Variants in C1QTNF5 observed in about 807,000 individuals in gnomAD.
C1QTNF5 encodes C1q and TNF related 5, also known as complement C1q tumor necrosis factor-related protein 5.
Under a neutral mutation model 10.9 loss-of-function variants are expected in C1QTNF5, and 5 were observed. That is an observed-to-expected ratio of 0.46 (90% CI 0.24 to 0.97). The LOEUF (loss-of-function observed/expected upper bound fraction) is 0.97. C1QTNF5 is among the 50% of genes least tolerant of loss of function. The probability of loss-of-function intolerance (pLI) is 0.19; values close to 1 mark genes in which losing one functional copy is unlikely to be tolerated. For synonymous variants in C1QTNF5, 161 were observed against 156.5 expected (o/e 1.03, Z -0.22); for missense variants, 281 against 339.4 (o/e 0.83, Z 1.35).
chr11:119,344,384 C>A (rs1375569297), upstream of C1QTNF5: 2 of 1,613,712 alleles, frequency 1.2e-6, no homozygotes, highest in Non-Finnish European at 1.7e-6. Context: ...TCAGATTCCC[C>A]CCACACCCTG....
rs1178082903 is a variant in C1QTNF5, at chr11:119,339,134, A to T, written c.*197T>A. On this transcript the variant is annotated 3_prime_UTR_variant, in exon 3 of 3. Transcript: ENST00000528368. This position sits in a 1 kb window ranked among gnomAD's most constrained non-coding sequence, Gnocchi z 5.4. ...TCTGGTCTTGGGCAGAAATCCAGCCACTGCCCCATGCTGCCAGACCTGATC... is the reference window on the plus strand; with the variant it reads ...TCTGGTCTTGGGCAGAAATCCAGCCTCTGCCCCATGCTGCCAGACCTGATC... 3.2e-6 allele frequency: 2 copies of T among 633,550 alleles called. No individual in the cohort carries two copies. The highest frequency in any genetic ancestry group is 5.4e-6 in the Non-Finnish European group (2 of 372,630). 39.2% of individuals were successfully genotyped at this position (633,550 alleles called of 1,614,324 possible).
chr11:119,340,800 T>G lies in C1QTNF5; in HGVS notation c.-149A>C. 1 of 253,884 alleles carries G rather than the reference T, an allele frequency of 3.9e-6. No homozygotes were observed. Among genetic ancestry groups the G allele is most frequent in the Non-Finnish European group, 7.6e-6 (1 of 131,918 alleles). The allele number at this position is 253,884 out of a possible 1,614,324, so 15.7% of individuals were successfully genotyped here. ...CGCTTCTCCCCGGCCAGGCGCCCCC[T>G]GCCCTGCCGTCACCCCAGTCCTGGT... On this transcript the variant is annotated 5_prime_UTR_variant, in exon 1 of 3. Coordinates refer to ENST00000528368, the MANE Select transcript of C1QTNF5 (RefSeq NM_001278431.2).
At chr11:119,343,748 G>C, upstream of C1QTNF5, 2 of 1,593,272 alleles carry the variant, frequency 1.3e-6, no homozygotes, top group Non-Finnish European at 1.7e-6. Flanking sequence ...GTGCTGGGCC[G>C]ACATGGAAGC....
chr11:119,343,868 A>G, upstream of C1QTNF5: 8 of 1,613,816 alleles, frequency 5.0e-6, no homozygotes, highest in Non-Finnish European at 6.8e-6. Context: ...ACCTCCACGT[A>G]GTCAAACTTG....
upstream of C1QTNF5, chr11:119,345,704 T>C: frequency 1.9e-6 from 3 of 1,612,386 alleles, no homozygotes; most frequent in Non-Finnish European, 2.5e-6. Flanking sequence ...TGCCTCTTCC[T>C]CACCCTCCCC....
upstream of C1QTNF5, chr11:119,344,319 T>C (rs142198552): frequency 2.6e-4 from 420 of 1,613,870 alleles, no homozygotes; most frequent in Non-Finnish European, 3.5e-4. Context: ...GCTTACCAGT[T>C]GGTGAGGGTA....
upstream of C1QTNF5, chr11:119,342,474 G>A (rs1950511805): frequency 2.3e-6 from 3 of 1,309,860 alleles, no homozygotes; most frequent in Middle Eastern, 2.5e-4. Flanking sequence ...GAGTCAGGAT[G>A]GTGAGGCCAG....
upstream of C1QTNF5, chr11:119,342,668 T>A (rs774247976): frequency 6.2e-7 from 1 of 1,613,562 alleles, no homozygotes; most frequent in South Asian, 1.1e-5. Flanking sequence ...ATGTCACACA[T>A]CCACTGCACA....
Position 119,339,219 on chromosome 11 carries a change from C to G in C1QTNF5, c.*112G>C. 1 of 1,249,964 alleles carries G rather than the reference C, an allele frequency of 8.0e-7. No individual in the cohort carries two copies. Among genetic ancestry groups the G allele is most frequent in the Non-Finnish European group, 1.1e-6 (1 of 898,618 alleles). 77.4% of individuals were successfully genotyped at this position (1,249,964 alleles called of 1,614,324 possible). A position where few individuals can be genotyped will look rare whatever the true frequency, so the allele number is the denominator to read the frequency against. On this transcript the variant is annotated 3_prime_UTR_variant, in exon 3 of 3. Transcript: ENST00000528368. The surrounding 1 kb of genome is among the most constrained non-coding windows in gnomAD (Gnocchi z 5.4). ...CAGGACGGAGAGTGCTCTACCCCAC[C>G]TCCCTAGTCATTCACAATATTCCAG...
At chr11:119,345,393 G>A (rs780636882), upstream of C1QTNF5, 1 of 1,598,568 alleles carries the variant, frequency 6.3e-7, no homozygotes, top group Non-Finnish European at 8.6e-7. Context: ...GGACACGGTG[G>A]GATGTCCTGG....
At chr11:119,344,224 A>G, upstream of C1QTNF5, 1 of 1,231,594 alleles carries the variant, frequency 8.1e-7, no homozygotes, top group Admixed American at 1.7e-5. Context: ...AGTAGAAGGT[A>G]GTGTCTACCA....
chr11:119,342,559 C>G, upstream of C1QTNF5: 1 of 1,610,728 alleles, frequency 6.2e-7, no homozygotes, highest in Non-Finnish European at 8.5e-7. Context: ...AGGTGGGCAC[C>G]CAGCCTGCTC....
chr11:119,345,579 G>C, upstream of C1QTNF5: 2 of 1,613,892 alleles, frequency 1.2e-6, no homozygotes, highest in Non-Finnish European at 1.7e-6. Context: ...GTAAGGGTCT[G>C]GGTAGTTAGG....
intron 1 of C1QTNF5, 75 bp downstream of exon 1, chr11:119,340,620 C>T (rs1408240962): frequency 1.8e-6 from 1 of 555,538 alleles, no homozygotes; most frequent in Non-Finnish European, 3.2e-6. Flanking sequence ...CCAGCCCTCC[C>T]TCCCACCGCC....
chr11:119,345,020 T>C (rs557131772), upstream of C1QTNF5: 251 of 1,598,472 alleles, frequency 1.6e-4, no homozygotes, highest in Middle Eastern at 6.6e-4. Context: ...AGAAGCCAGG[T>C]TGGGGGTGAG....
At chr11:119,344,497 CAAGT>C, upstream of C1QTNF5, 1 of 1,574,578 alleles carries the variant, frequency 6.4e-7, no homozygotes, top group Non-Finnish European at 8.7e-7. Flanking sequence ...CCATGGGAAA[CAAGT>C]TCTGGGCCAA....
chr11:119,345,896 G>A, upstream of C1QTNF5: 3 of 1,613,722 alleles, frequency 1.9e-6, no homozygotes, highest in East Asian at 2.2e-5. Flanking sequence ...AGTGGGCTAT[G>A]GGACGCCCCA....
upstream of C1QTNF5, chr11:119,344,905 A>G: frequency 6.2e-7 from 1 of 1,612,630 alleles, no homozygotes; most frequent in South Asian, 1.1e-5. Flanking sequence ...GGTACCAGGC[A>G]TGGAAACCAA....
chr11:119,342,880 G>A, upstream of C1QTNF5: 1 of 1,613,074 alleles, frequency 6.2e-7, no homozygotes, highest in South Asian at 1.1e-5. Context: ...TACTCTCCGT[G>A]GCATTGAAGG....
Sources: gnomAD v4.1 joint callset for allele counts on GRCh38, gnomAD v4.1.1 for gene constraint, Gnocchi (gnomAD v3.1) non-coding constraint, MANE v1.5 for transcripts, NCBI Gene and HGNC (gene_info 2026-07-23, HGNC 2026-07-21) for gene names.